GALNT2: variants seen among roughly 807,000 people sequenced by gnomAD.
GALNT2 encodes the protein UDP-GalNAc:polypeptide N-acetylgalactosaminyltransferase 2.
A neutral mutation model predicts 81.4 loss-of-function variants in GALNT2; 31 were observed. That is an observed-to-expected ratio of 0.38 (90% CI 0.29 to 0.51). The LOEUF (loss-of-function observed/expected upper bound fraction) is 0.51. Ranked by LOEUF, GALNT2 falls within the 20% of genes least tolerant of loss-of-function variation. The pLI, the probability that GALNT2 is intolerant of heterozygous loss-of-function variation, is 0.87. For synonymous variants in GALNT2, 303 were observed against 287.4 expected (o/e 1.05, Z -0.55); for missense variants, 629 against 765.7 (o/e 0.82, Z 2.11).
intron 1 of GALNT2, among the ~76,000 whole-genome samples, chr1:230,112,206 CA>C (rs1660723552): frequency 6.6e-6 from 1 of 152,028 alleles, no homozygotes; most frequent in Non-Finnish European, 1.5e-5. Flanking sequence ...GCCCAGGACT[CA>C]TGTGTCTACC....
intron 3 of GALNT2, among the ~76,000 whole-genome samples, chr1:230,229,948 G>T (rs1664821568): frequency 6.6e-6 from 1 of 152,182 alleles, no homozygotes; most frequent in South Asian, 2.1e-4. Context: ...GAGGATTGAG[G>T]TAAGGGCTGT....
chr1:230,075,207 C>G (rs1423797204), intron 1 of GALNT2, among the ~76,000 whole-genome samples: 1 of 142,466 alleles, frequency 7.0e-6, no homozygotes, highest in Non-Finnish European at 1.5e-5. Context: ...CTCACTGCAA[C>G]CTCCGCCTCC....
At chr1:230,174,492 C>T (rs113145012) in intron 1 of GALNT2, among the ~76,000 whole-genome samples, 1 of 152,138 alleles carries the variant, frequency 6.6e-6, no homozygotes, top group African/African-American at 2.4e-5. Context: ...TTTCCTAGCA[C>T]TGCTTCTTAC....
At chr1:230,065,737 G>C (rs1659158188), upstream of GALNT2, among the ~76,000 whole-genome samples, 1 of 152,128 alleles carries the variant, frequency 6.6e-6, no homozygotes, top group Non-Finnish European at 1.5e-5. Flanking sequence ...GAGGGGACTG[G>C]CTGTCTTCTC....
intron 1 of GALNT2, among the ~76,000 whole-genome samples, chr1:230,124,637 G>A (rs1244884352): frequency 6.6e-6 from 1 of 152,164 alleles, no homozygotes; most frequent in Non-Finnish European, 1.5e-5. Flanking sequence ...ACATTTTCCT[G>A]CTGTTCCTGA....
upstream of GALNT2, among the ~76,000 whole-genome samples, chr1:230,062,872 A>T (rs1201197100): frequency 6.6e-6 from 1 of 152,136 alleles, no homozygotes; most frequent in African/African-American, 2.4e-5. Context: ...TATGTATACA[A>T]CCAGAAATGG....
In GALNT2 at chr1:230,152,552, G is replaced by T. The variant is rs181835934; in HGVS notation, c.127-25666G>T. On this transcript the variant is annotated intron_variant, in intron 1 of 15. Coordinates refer to ENST00000366672, the MANE Select transcript of GALNT2 (RefSeq NM_004481.5). ...ATGGGCGTGCATGTATTTATATAAC[G>T]TATATATTTAAATACATGGTTTGGG... 3.5e-4 allele frequency among the ~76,000 whole-genome samples: 54 copies of T among 152,218 alleles called. No individual in the cohort carries two copies. In the South Asian group the frequency reaches 4.1e-3, roughly 12 times the overall value.
intron 1 of GALNT2, among the ~76,000 whole-genome samples, chr1:230,177,124 G>A (rs1266808792): frequency 2.6e-5 from 4 of 152,276 alleles, no homozygotes; most frequent in Non-Finnish European, 4.4e-5. Context: ...TATTGGCAAA[G>A]CAAGTTGCAT....
intron 1 of GALNT2, among the ~76,000 whole-genome samples, chr1:230,152,779 A>G (rs755068739): frequency 4.6e-5 from 7 of 152,340 alleles, no homozygotes; most frequent in Admixed American, 2.6e-4. Flanking sequence ...TTCCTCTTTG[A>G]ACCGCTTGTC....
chr1:230,196,714 A>AT (rs1382865263), intron 2 of GALNT2, among the ~76,000 whole-genome samples: 1 of 152,046 alleles, frequency 6.6e-6, no homozygotes, highest in African/African-American at 2.4e-5. Context: ...GCTTCTCCTC[A>AT]TCCCATCCCC....
chr1:230,243,196 C>T lies in GALNT2; in HGVS notation c.608-110C>T. 2 of 1,403,532 alleles carry T rather than the reference C, an allele frequency of 1.4e-6. No homozygotes were observed. The highest frequency in any genetic ancestry group is 1.9e-6 in the Non-Finnish European group (2 of 1,059,586). The allele number at this position is 1,403,532 out of a possible 1,614,324, so 86.9% of individuals were successfully genotyped here. A position where few individuals can be genotyped will look rare whatever the true frequency, so the allele number is the denominator to read the frequency against. On this transcript the variant is annotated intron_variant, in intron 6 of 15. Coordinates refer to ENST00000366672, the MANE Select transcript of GALNT2 (RefSeq NM_004481.5). This position sits in a 1 kb window ranked among gnomAD's most constrained non-coding sequence, Gnocchi z 4.2. ...GCAAGTTTACAGTAATGTCCGTGCC[C>T]AGAAAGCAGGCTGCAGAGCTGCGGG...
At chr1:230,216,835 AACTATATTGAATAAGCCATGATTTTCTTC>A (rs1664404542) in intron 3 of GALNT2, among the ~76,000 whole-genome samples, 1 of 152,210 alleles carries the variant, frequency 6.6e-6, no homozygotes, top group Non-Finnish European at 1.5e-5. Flanking sequence ...CGACTATCTT[AACTATATTGAATAAGCCATGATTTTCTTC>A]ATCTGACAAT....
chr1:230,132,407 G>A (rs537109081), intron 1 of GALNT2, among the ~76,000 whole-genome samples: 7 of 152,308 alleles, frequency 4.6e-5, no homozygotes, highest in Non-Finnish European at 4.4e-5. Context: ...TACTGGGAGC[G>A]TCACAGTGGG....
chr1:230,174,010 A>G (rs150026888), intron 1 of GALNT2, among the ~76,000 whole-genome samples: 1 of 152,312 alleles, frequency 6.6e-6, no homozygotes. Context: ...CCTTACCCTC[A>G]AAGAACCTGA....
intron 6 of GALNT2, among the ~76,000 whole-genome samples, chr1:230,239,417 A>G (rs745322378): frequency 1.9e-4 from 29 of 152,320 alleles, no homozygotes; most frequent in Non-Finnish European, 3.5e-4. Context: ...AAACCTCAAA[A>G]GTGGGGAAGC....
At chr1:230,258,637 C>T (rs1665789878) in intron 11 of GALNT2, 1 of 152,216 alleles carries the variant, frequency 6.6e-6, no homozygotes, top group South Asian at 2.1e-4. Flanking sequence ...GGCAAAATAA[C>T]AAGTAATGCT....
At chr1:230,174,876 A>G (rs1199400711) in intron 1 of GALNT2, among the ~76,000 whole-genome samples, 4 of 152,026 alleles carry the variant, frequency 2.6e-5, no homozygotes, top group Non-Finnish European at 5.9e-5. Context: ...CACCACCGCT[A>G]GTCCCCATTG....
intron 1 of GALNT2, among the ~76,000 whole-genome samples, chr1:230,151,776 A>AG (rs1662102397): frequency 1.6e-5 from 1 of 62,104 alleles, no homozygotes; most frequent in African/African-American, 6.6e-5. Context: ...GTGCAAAGTG[A>AG]AAAGTTTATT....
intron 1 of GALNT2, among the ~76,000 whole-genome samples, chr1:230,134,112 G>GTTTT (rs977480955): frequency 4.0e-4 from 48 of 120,886 alleles, no homozygotes; most frequent in African/African-American, 1.4e-3. Context: ...ACCTGAATCT[G>GTTTT]TTTTTTTTTT....
Sources: allele counts gnomAD v4.1 joint callset (sites outside exome capture counted in the v4.1 genomes callset), GRCh38; gene constraint gnomAD v4.1.1; non-coding constraint Gnocchi (gnomAD v3.1); transcripts MANE v1.5; gene names NCBI Gene and HGNC (gene_info 2026-07-23, HGNC 2026-07-21).